Variants in EXOC6B observed in about 807,000 individuals in gnomAD.
The protein encoded by EXOC6B is exocyst complex component 6B.
Under a neutral mutation model 113.5 loss-of-function variants are expected in EXOC6B, and 54 were observed. The observed-to-expected ratio is 0.48, with a 90% CI of 0.38 to 0.60. The LOEUF is 0.60. Among genes scored for constraint, EXOC6B ranks in the 20% least tolerant of loss-of-function variants. The pLI is 0.00. For missense variants in EXOC6B, 797 were observed against 977.5 expected (o/e 0.82, Z 2.46); for synonymous variants, 357 against 339.0 (o/e 1.05, Z -0.58).
intron 1 of EXOC6B, among the ~76,000 whole-genome samples, chr2:72,795,411 TA>T (rs1408273453): frequency 6.6e-6 from 1 of 151,910 alleles, no homozygotes; most frequent in Non-Finnish European, 1.5e-5. Flanking sequence ...CCATCTCTAT[TA>T]AAAATACAAA....
intron 19 of EXOC6B, among the ~76,000 whole-genome samples, chr2:72,379,016 T>C (rs1691524777): frequency 6.6e-6 from 1 of 152,272 alleles, no homozygotes; most frequent in Non-Finnish European, 1.5e-5. Context: ...ACAGGAAAGT[T>C]TGTCAGGGAT....
chr2:72,344,090 A>G (rs554085864), intron 19 of EXOC6B, among the ~76,000 whole-genome samples: 1 of 152,196 alleles, frequency 6.6e-6, no homozygotes, highest in South Asian at 2.1e-4. Context: ...TGGGTCTCAC[A>G]TGTCCCTTAG....
chr2:72,584,897 T>C (rs990792699), intron 6 of EXOC6B, among the ~76,000 whole-genome samples: 1 of 152,182 alleles, frequency 6.6e-6, no homozygotes, highest in African/African-American at 2.4e-5. Flanking sequence ...AAACAACTTG[T>C]TCCTGAATTA....
At chr2:72,775,648 GA>G (rs1227656137) in intron 1 of EXOC6B, among the ~76,000 whole-genome samples, 40 of 150,200 alleles carry the variant, frequency 2.7e-4, no homozygotes, top group Non-Finnish European at 5.9e-5. Context: ...CTGAGAAAAA[GA>G]AAAAAAAATA....
chr2:72,186,963 G>A (rs957200492), intron 20 of EXOC6B, among the ~76,000 whole-genome samples: 3 of 152,190 alleles, frequency 2.0e-5, no homozygotes, highest in African/African-American at 7.2e-5. Context: ...TGGCCTGGGA[G>A]GCTGAGCTCA....
At chr2:72,361,399 T>C (rs1233268487) in intron 19 of EXOC6B, among the ~76,000 whole-genome samples, 1 of 150,708 alleles carries the variant, frequency 6.6e-6, no homozygotes, top group Non-Finnish European at 1.5e-5. Context: ...GGATCTGTCA[T>C]ATATGCTTGC....
chr2:72,580,769 A>G (rs532255071), intron 6 of EXOC6B, among the ~76,000 whole-genome samples: 1 of 152,274 alleles, frequency 6.6e-6, no homozygotes, highest in South Asian at 2.1e-4. Context: ...AGAATGTGGA[A>G]CCCCACAAGA....
At chr2:72,250,632 C>T (rs752292922) in intron 20 of EXOC6B, among the ~76,000 whole-genome samples, 4 of 151,874 alleles carry the variant, frequency 2.6e-5, no homozygotes, top group Non-Finnish European at 4.4e-5. Context: ...GTGTATGTCA[C>T]TGCACCTAGC....
At chr2:72,671,819 GAAGAGA>G (rs1226044594) in intron 6 of EXOC6B, among the ~76,000 whole-genome samples, 3 of 133,018 alleles carry the variant, frequency 2.3e-5, no homozygotes, top group Non-Finnish European at 4.9e-5. Flanking sequence ...AAGAAAGAAA[GAAGAGA>G]AAAGAAAGAA....
At chr2:72,459,858 T>C (rs1454047667) in intron 18 of EXOC6B, among the ~76,000 whole-genome samples, 1 of 152,122 alleles carries the variant, frequency 6.6e-6, no homozygotes, top group Non-Finnish European at 1.5e-5. Context: ...AAAACTACTG[T>C]AAAGTTCATA....
At chr2:72,518,797 A>AT (rs943157304) in intron 8 of EXOC6B, among the ~76,000 whole-genome samples, 10 of 152,312 alleles carry the variant, frequency 6.6e-5, no homozygotes, top group African/African-American at 2.2e-4. Context: ...TGTAGCGACC[A>AT]TAAGAGTTTT....
At position 72,707,611 on chromosome 2, in the gene EXOC6B, A is replaced by G. The variant is rs757036523; in HGVS notation, c.669+10492T>C. Among the ~76,000 whole-genome samples the G allele has an allele frequency of 2.0e-4, 30 of 151,798 alleles. 1 individual carries two copies. Among genetic ancestry groups the G allele is most frequent in the Non-Finnish European group, 3.8e-4 (26 of 67,962 alleles). ...GTATTTTTAGTAGAGACTGAGTTTCACCATCTTGGCCAGGATGGTCTTGAA... is the reference window on the plus strand; with the variant it reads ...GTATTTTTAGTAGAGACTGAGTTTCGCCATCTTGGCCAGGATGGTCTTGAA... On this transcript the variant is annotated intron_variant, in intron 6 of 21. Coordinates refer to ENST00000272427, the MANE Select transcript of EXOC6B (RefSeq NM_015189.3).
At chr2:72,687,854 A>C (rs1366987226) in intron 6 of EXOC6B, among the ~76,000 whole-genome samples, 1 of 152,204 alleles carries the variant, frequency 6.6e-6, no homozygotes, top group Admixed American at 6.5e-5. Context: ...GGAGAAGGAC[A>C]CTATTCTGAA....
At chr2:72,242,509 G>T (rs891859476) in intron 20 of EXOC6B, among the ~76,000 whole-genome samples, 2 of 151,872 alleles carry the variant, frequency 1.3e-5, no homozygotes, top group African/African-American at 4.8e-5. Flanking sequence ...AAAGAAAAAA[G>T]AATTATTGAA....
At chr2:72,473,754 C>G (rs1480940858) in intron 17 of EXOC6B, among the ~76,000 whole-genome samples, 3 of 151,892 alleles carry the variant, frequency 2.0e-5, no homozygotes, top group African/African-American at 7.2e-5. Flanking sequence ...TGTTCCTTTC[C>G]TTTTCTCTTA....
intron 6 of EXOC6B, among the ~76,000 whole-genome samples, chr2:72,705,305 T>C (rs1471170790): frequency 6.6e-6 from 1 of 152,002 alleles, no homozygotes; most frequent in African/African-American, 2.4e-5. Flanking sequence ...CTCAATAAAT[T>C]AGGTATTGAT....
At chr2:72,655,272 C>T (rs1229991259) in intron 6 of EXOC6B, among the ~76,000 whole-genome samples, 1 of 152,110 alleles carries the variant, frequency 6.6e-6, no homozygotes, top group East Asian at 1.9e-4. Flanking sequence ...TTAAAGCATA[C>T]ATACTATTAA....
At chr2:72,267,580 C>G (rs984110177) in intron 20 of EXOC6B, among the ~76,000 whole-genome samples, 1 of 152,120 alleles carries the variant, frequency 6.6e-6, no homozygotes, top group African/African-American at 2.4e-5. Context: ...GTATATTGAA[C>G]CAGCCTTGCA....
At chr2:72,389,665 T>G (rs1265200262) in intron 18 of EXOC6B, among the ~76,000 whole-genome samples, 1 of 152,100 alleles carries the variant, frequency 6.6e-6, no homozygotes, top group East Asian at 1.9e-4. Flanking sequence ...TCCTTGGTGA[T>G]GGTTCTTTTT....
Sources: gnomAD v4.1 joint callset for allele counts (sites outside exome capture counted in the v4.1 genomes callset) on GRCh38, gnomAD v4.1.1 for gene constraint, MANE v1.5 for transcripts, NCBI Gene and HGNC (gene_info 2026-07-23, HGNC 2026-07-21) for gene names.